The following TTN variants were observed in gnomAD, a reference collection of about 807,000 sequenced individuals.
TTN encodes the protein connectin.
In TTN, 1,525 loss-of-function variants were observed where a neutral mutation model predicts 3,223.0. That is an observed-to-expected ratio of 0.47 (90% confidence interval 0.45 to 0.49). TTN has a LOEUF of 0.49. Among genes scored for constraint, TTN ranks in the 20% least tolerant of loss-of-function variants. The pLI is 0.00. For synonymous variants in TTN, 14,094 were observed against 15,161.0 expected (o/e 0.93, Z 5.17); for missense variants, 40,786 against 43,424.0 (o/e 0.94, Z 5.40).
intron 316 of TTN, among the ~76,000 whole-genome samples, chr2:178,581,284 T>C (rs2047680387): frequency 6.6e-6 from 1 of 152,050 alleles, no homozygotes; most frequent in Admixed American, 6.6e-5. Context: ...AATTCTTATA[T>C]ATATGAAAAG....
chr2:178,714,429 T>C lies in TTN; in HGVS notation c.26345A>G (p.Asn8782Ser), dbSNP rs727504895. The C allele has an allele frequency of 1.2e-6, 2 of 1,613,796 alleles. No homozygotes were observed. Among genetic ancestry groups the C allele is most frequent in the East Asian group, 2.2e-5 (1 of 44,874 alleles). The change falls in exon 91 of 363, where the codon AAC (asparagine) becomes AGC (serine). Residue 8782 changes from asparagine (N) to serine (S), a missense_variant. Asn to Ser is a conservative substitution (Grantham distance 46, BLOSUM62 1). Coordinates refer to ENST00000589042, the MANE Select transcript of TTN (RefSeq NM_001267550.2). ...GTTTTCTGAATAAGAAATCCATATGTTGTCACTTTCTCTAACGATTTCTCC... is the reference window on the plus strand; with the variant it reads ...GTTTTCTGAATAAGAAATCCATATGCTGTCACTTTCTCTAACGATTTCTCC... ...DKGEIVRESD[N>S]IWISYSENIA...
At chr2:178,666,758 T>G in intron 163 of TTN, 66 bp downstream of exon 163, 1 of 1,369,430 alleles carries the variant, frequency 7.3e-7, no homozygotes, top group Non-Finnish European at 9.8e-7. Context: ...GATATTAGTA[T>G]TTTTACATGT....
In TTN at chr2:178,725,318, A is replaced by G. The variant is rs535359451; in HGVS notation, c.20836+50T>C. The G allele has an allele frequency of 4.9e-6, 7 of 1,422,730 alleles. No homozygotes were observed. The South Asian group carries it at 1.0e-4, about 21-fold the overall frequency. 88.1% of individuals were successfully genotyped at this position (1,422,730 alleles called of 1,614,324 possible). A position where few individuals can be genotyped will look rare whatever the true frequency, so the allele number is the denominator to read the frequency against. ...AAGAATCTGCCAGTAACTCTTAGTA[A>G]TTCATTCCAGCATTTGGCACCAGTT... On this transcript the variant is annotated intron_variant, in intron 71 of 362. Coordinates refer to ENST00000589042, the MANE Select transcript of TTN (RefSeq NM_001267550.2).
At chr2:178,709,365 C>A (rs1353139636) in intron 99 of TTN, among the ~76,000 whole-genome samples, 1 of 152,136 alleles carries the variant, frequency 6.6e-6, no homozygotes, top group African/African-American at 2.4e-5. Context: ...CGTTAAATGA[C>A]ACCTCCTTCG....
Position 178,553,491 on chromosome 2 carries a change from T to A in TTN, c.89503+11A>T. The A allele has an allele frequency of 6.3e-7, 1 of 1,598,492 alleles. No homozygotes were observed. The highest frequency in any genetic ancestry group is 1.3e-5 in the African/African-American group (1 of 74,404). Reference sequence around the variant, plus strand: ...TTATTAAAAAACATAATCAAACCAGTAGGTACATACCAAGTATATCTTTAG... The same window carrying A: ...TTATTAAAAAACATAATCAAACCAGAAGGTACATACCAAGTATATCTTTAG... On this transcript the variant is annotated intron_variant, in intron 334 of 362. Coordinates refer to ENST00000589042, the MANE Select transcript of TTN (RefSeq NM_001267550.2).
intron 47 of TTN, chr2:178,745,062 G>A: frequency 1.0e-6 from 1 of 986,950 alleles, no homozygotes; most frequent in South Asian, 4.7e-5. Context: ...GGAGAAGCTG[G>A]TTTTTGTTGT....
Position 178,715,634 on chromosome 2 carries a change from T to C in TTN, c.25780A>G (p.Ser8594Gly). ...YKDETEIQES[S>G]KFRMSFVDSV... is the part of the protein sequence containing the mutation. ...TCAACGAATGACATTCTGAATTTAC[T>C]GCTCTCTTGAATTTCAGTCTCGTCC... The change falls in exon 89 of 363, where the codon AGT becomes GGT. Residue 8594 changes from serine (S) to glycine (G), a missense_variant. By Grantham distance (56) the Ser-to-Gly change is moderately conservative (BLOSUM62 0). Coordinates refer to ENST00000589042, the MANE Select transcript of TTN (RefSeq NM_001267550.2). The C allele has an allele frequency of 1.2e-6, 2 of 1,613,602 alleles. No homozygotes were observed. Among genetic ancestry groups the C allele is most frequent in the Non-Finnish European group, 1.7e-6 (2 of 1,179,666 alleles).
Position 178,633,229 on chromosome 2 carries a change from G to A in TTN, c.43044C>T (p.His14348=), listed in dbSNP as rs1060503970. Residue 14348 remains histidine, a synonymous_variant, in exon 233 of 363, where the codon CAC becomes CAT. Coordinates refer to ENST00000589042, the MANE Select transcript of TTN (RefSeq NM_001267550.2). Reference sequence around the variant, plus strand: ...GCTGTCCTTTCAGCTTCCACTGGCCGTGAACATCAGGTTCAGAAAGTTCAA... The same window carrying A: ...GCTGTCCTTTCAGCTTCCACTGGCCATGAACATCAGGTTCAGAAAGTTCAA... The part of the protein sequence containing the change: ...FEIELSEPDV[H]GQWKLKGQPL... 1.4e-5 allele frequency: 23 copies of A among 1,613,156 alleles called. No individual in the cohort carries two copies. Among genetic ancestry groups the A allele is most frequent in the East Asian group, 8.9e-5 (4 of 44,704 alleles).
chr2:178,665,407 G>A lies in TTN; in HGVS notation c.36013C>T (p.Pro12005Ser). 6.2e-7 allele frequency: 1 copy of A among 1,612,348 alleles called. No homozygotes were observed. Among genetic ancestry groups the A allele is most frequent in the Non-Finnish European group, 8.5e-7 (1 of 1,179,574 alleles). ...ATACGTGGAGTTTCTGGCTCTTCAG[G>A]TACATCCTCAAATATTTTCATTTCA... ...VPEMKIFEDV[P>S]EEPETPRMKT... The change falls in exon 165 of 363, where the codon CCT becomes TCT. Residue 12005 changes from proline to serine, a missense_variant. Physicochemically the swap from Pro to Ser is moderately conservative, Grantham distance 74. Transcript: ENST00000589042.
rs1281104886 is a variant in TTN at position 178,621,544 on chromosome 2, G to T, written c.45280C>A (p.Leu15094Ile). The change falls in exon 245 of 363, where the codon CTT becomes ATT. Residue 15094 changes from leucine (L) to isoleucine (I), a missense_variant. Leu to Ile is a conservative substitution (Grantham distance 5, BLOSUM62 2). Coordinates refer to ENST00000589042, the MANE Select transcript of TTN (RefSeq NM_001267550.2). ...KRILVIQNAH[L>I]EDAGNYNCRL... Reference sequence around the variant, plus strand: ...CAGTTGTAGTTGCCAGCATCCTCAAGGTGAGCGTTCTGAATGACCAGGATT... The same window carrying T: ...CAGTTGTAGTTGCCAGCATCCTCAATGTGAGCGTTCTGAATGACCAGGATT... 3 of 1,612,442 alleles carry T rather than the reference G, an allele frequency of 1.9e-6. No individual in the cohort carries two copies. Among genetic ancestry groups the T allele is most frequent in the African/African-American group, 1.3e-5 (1 of 74,886 alleles).
At position 178,535,965 on chromosome 2, in the gene TTN, AATTT is replaced by A. The variant is rs776563315; in HGVS notation, c.100765+13_100765+16del. ...ACTCATTTAGCCTCAACTTGATGAT[AATTT>A]ATTTATTTTTACCTTCCACTTCCAA... On this transcript the variant is annotated intron_variant, in intron 357 of 362. Coordinates refer to ENST00000589042, the MANE Select transcript of TTN (RefSeq NM_001267550.2). 33 of 1,523,328 alleles carry A rather than the reference AATTT, an allele frequency of 2.2e-5. No individual in the cohort carries two copies. Among genetic ancestry groups the A allele is most frequent in the South Asian group, 1.3e-4 (10 of 74,278 alleles). The allele number at this position is 1,523,328 out of a possible 1,614,324, so 94.4% of individuals were successfully genotyped here.
Position 178,530,689 on chromosome 2 carries a change from C to G in TTN, c.105926G>C (p.Ser35309Thr). ...EIAKLTCVVE[S>T]SVLRAKEVTW... The stretch of plus-strand genomic sequence containing the variant: ...GACCTCTTTTGCCCTTAATACACTG[C>G]TTTCAACCACACAGGTCAGTTTTGC... Residue 35309 changes from serine to threonine, a missense_variant, in exon 358 of 363, where the codon AGC (serine) becomes ACC (threonine). Ser to Thr is a moderately conservative substitution (Grantham distance 58). Transcript: ENST00000589042. 6.2e-7 allele frequency: 1 copy of G among 1,613,972 alleles called. No individual in the cohort carries two copies. Among genetic ancestry groups the G allele is most frequent in the Non-Finnish European group, 8.5e-7 (1 of 1,179,874 alleles).
At chr2:178,673,079 G>A (rs2067298999) in intron 152 of TTN, among the ~76,000 whole-genome samples, 1 of 151,782 alleles carries the variant, frequency 6.6e-6, no homozygotes, top group Non-Finnish European at 1.5e-5. Flanking sequence ...TCTATTAGCT[G>A]AGGAGTCTAC....
chr2:178,793,854 C>A (rs767052735), intron 8 of TTN, among the ~76,000 whole-genome samples: 14 of 152,094 alleles, frequency 9.2e-5, no homozygotes, highest in African/African-American at 3.4e-4. Flanking sequence ...AAATGTCACA[C>A]AAGAGGATAA....
chr2:178,598,280 A>T (rs1034888035), intron 292 of TTN, among the ~76,000 whole-genome samples: 1 of 152,122 alleles, frequency 6.6e-6, no homozygotes, highest in African/African-American at 2.4e-5. Flanking sequence ...ACCTTGATTT[A>T]TTTATTCCAC....
At chr2:178,558,660 G>A (rs1286034184) in intron 326 of TTN, 23 bp from the exon 327 acceptor site, 2 of 1,602,434 alleles carry the variant, frequency 1.2e-6, no homozygotes, top group South Asian at 2.2e-5. Flanking sequence ...AGCATCAAAA[G>A]AAAGTGAATA....
At chr2:178,695,120 T>A (rs956511691) in intron 115 of TTN, among the ~76,000 whole-genome samples, 49 of 151,924 alleles carry the variant, frequency 3.2e-4, no homozygotes, top group African/African-American at 1.1e-3. Context: ...TTTCTGTACT[T>A]AACATATTTT....
intron 217 of TTN, 52 bp downstream of exon 217, chr2:178,645,868 T>C: frequency 8.6e-7 from 1 of 1,162,580 alleles, no homozygotes; most frequent in East Asian, 2.9e-5. Context: ...TTCAGATGGC[T>C]GGATAGAAGT....
intron 71 of TTN, 62 bp from the exon 72 acceptor site, chr2:178,724,600 A>C (rs2079015143): frequency 3.4e-6 from 5 of 1,471,632 alleles, no homozygotes; most frequent in Non-Finnish European, 4.5e-6. Context: ...CTCTACTATC[A>C]CATTCACTAA....
Sources: gnomAD v4.1 joint callset for allele counts (sites outside exome capture counted in the v4.1 genomes callset) on GRCh38, gnomAD v4.1.1 for gene constraint, MANE v1.5 for transcripts, NCBI Gene and HGNC (gene_info 2026-07-23, HGNC 2026-07-21) for gene names.